KCNIP4: variants seen among roughly 807,000 people sequenced by gnomAD.
KCNIP4 encodes Kv channel-interacting protein 4.
A neutral mutation model predicts 34.0 loss-of-function variants in KCNIP4; 12 were observed. That is an observed-to-expected ratio of 0.35 (90% CI 0.23 to 0.57). KCNIP4 has a LOEUF of 0.57. Ranked by LOEUF, KCNIP4 falls within the 20% of genes least tolerant of loss-of-function variation. The pLI, the probability that KCNIP4 is intolerant of heterozygous loss-of-function variation, is 0.83. For missense variants in KCNIP4, 238 were observed against 311.7 expected, an observed-to-expected ratio of 0.76 and a Z score of 1.78; for synonymous variants, 124 against 102.2, an observed-to-expected ratio of 1.21 and a Z score of -1.29.
intron 1 of KCNIP4, among the ~76,000 whole-genome samples, chr4:20,949,146 C>T (rs4441750): frequency 0.76 from 115,023 of 152,104 alleles, 43,716 homozygotes; most frequent in East Asian, 0.84. Context: ...AGTACGGTAA[C>T]AGCGACTGCT....
At chr4:21,522,209 T>C (rs1229335371) in intron 1 of KCNIP4, among the ~76,000 whole-genome samples, 2 of 152,132 alleles carry the variant, frequency 1.3e-5, no homozygotes. Context: ...CTGAGGAGAT[T>C]CATTTAACAC....
chr4:21,598,106 A>T (rs1742799481), intron 1 of KCNIP4, among the ~76,000 whole-genome samples: 1 of 152,132 alleles, frequency 6.6e-6, no homozygotes, highest in Non-Finnish European at 1.5e-5. Flanking sequence ...ACCGGTTACC[A>T]TTAAATGAAA....
At chr4:21,719,599 T>C (rs1208346477) in intron 1 of KCNIP4, among the ~76,000 whole-genome samples, 1 of 152,136 alleles carries the variant, frequency 6.6e-6, no homozygotes, top group Non-Finnish European at 1.5e-5. Context: ...TGTGGTTCAG[T>C]AGAGTCTAGT....
chr4:21,705,294 T>C (rs141560919), intron 1 of KCNIP4, among the ~76,000 whole-genome samples: 14 of 152,252 alleles, frequency 9.2e-5, no homozygotes, highest in African/African-American at 3.1e-4. Context: ...TGTATCCTTA[T>C]TGTATCAATG....
chr4:21,012,223 A>G (rs1739121459), intron 1 of KCNIP4, among the ~76,000 whole-genome samples: 1 of 152,158 alleles, frequency 6.6e-6, no homozygotes. Context: ...CTCAATAAAC[A>G]TTTGAATATA....
At chr4:21,909,531 C>T (rs892895767) in intron 1 of KCNIP4, among the ~76,000 whole-genome samples, 1 of 152,050 alleles carries the variant, frequency 6.6e-6, no homozygotes, top group East Asian at 1.9e-4. Context: ...TAGGCTTAGA[C>T]ATGTTTCTTA....
At chr4:21,725,238 T>C (rs11721958) in intron 1 of KCNIP4, among the ~76,000 whole-genome samples, 16,313 of 152,100 alleles carry the variant, frequency 0.11, 996 homozygotes, top group Middle Eastern at 0.14. Flanking sequence ...AAACTTCCTA[T>C]ACAAAAAAAT....
intron 1 of KCNIP4, among the ~76,000 whole-genome samples, chr4:21,322,762 T>C (rs1714636653): frequency 6.6e-6 from 1 of 152,022 alleles, no homozygotes; most frequent in Non-Finnish European, 1.5e-5. Flanking sequence ...ACCATCTATG[T>C]GATTCAGATT....
intron 1 of KCNIP4, among the ~76,000 whole-genome samples, chr4:21,279,929 C>T (rs998440972): frequency 5.9e-5 from 9 of 152,132 alleles, no homozygotes; most frequent in East Asian, 1.9e-4. Flanking sequence ...GAGTTCATTT[C>T]GCCATCATTC....
At chr4:21,325,928 TTTTTAG>T (rs1364140147) in intron 1 of KCNIP4, among the ~76,000 whole-genome samples, 1 of 151,940 alleles carries the variant, frequency 6.6e-6, no homozygotes, top group Non-Finnish European at 1.5e-5. Context: ...TTGTTACTGA[TTTTTAG>T]TTTTATTCTA....
intron 1 of KCNIP4, among the ~76,000 whole-genome samples, chr4:21,475,866 A>C (rs781140776): frequency 3.9e-5 from 6 of 152,188 alleles, no homozygotes; most frequent in Non-Finnish European, 7.3e-5. Flanking sequence ...ATGTTATTTA[A>C]TTTTTAATTT....
chr4:21,038,939 C>A (rs1382791130), intron 1 of KCNIP4, among the ~76,000 whole-genome samples: 1 of 152,072 alleles, frequency 6.6e-6, no homozygotes, highest in Non-Finnish European at 1.5e-5. Flanking sequence ...AAAAAAGCAT[C>A]CTGTGAAGGC....
chr4:21,027,423 G>A (rs1172662866), intron 1 of KCNIP4, among the ~76,000 whole-genome samples: 1 of 151,946 alleles, frequency 6.6e-6, no homozygotes, highest in Non-Finnish European at 1.5e-5. Flanking sequence ...CATTAGATTA[G>A]ATACGGGGCT....
chr4:21,654,802 T>C (rs976157997), intron 1 of KCNIP4, among the ~76,000 whole-genome samples: 14 of 152,110 alleles, frequency 9.2e-5, no homozygotes, highest in Non-Finnish European at 1.5e-4. Flanking sequence ...CTGACGCCTG[T>C]AGTCCCAGCT....
intron 1 of KCNIP4, among the ~76,000 whole-genome samples, chr4:21,948,177 C>G (rs1730607134): frequency 6.6e-6 from 1 of 152,096 alleles, no homozygotes; most frequent in Non-Finnish European, 1.5e-5. Flanking sequence ...AAGTGGAAGG[C>G]GAGGATCAAT....
intron 1 of KCNIP4, among the ~76,000 whole-genome samples, chr4:21,065,485 T>C (rs975668992): frequency 2.6e-5 from 4 of 151,982 alleles, no homozygotes; most frequent in Non-Finnish European, 5.9e-5. Flanking sequence ...TCTCAAATAC[T>C]AAAAAAATCA....
intron 2 of KCNIP4, among the ~76,000 whole-genome samples, chr4:20,863,880 G>C (rs1722473095): frequency 6.6e-6 from 1 of 151,962 alleles, no homozygotes; most frequent in African/African-American, 2.4e-5. Flanking sequence ...AAAGAGCAAA[G>C]AACAATCACT....
chr4:21,313,671 A>G (rs1713426504), intron 1 of KCNIP4, among the ~76,000 whole-genome samples: 1 of 152,232 alleles, frequency 6.6e-6, no homozygotes. Flanking sequence ...AACCCATTAA[A>G]TAATACAAAG....
chr4:21,919,370 A>C (rs1728817337), intron 1 of KCNIP4, among the ~76,000 whole-genome samples: 1 of 152,190 alleles, frequency 6.6e-6, no homozygotes. Context: ...AGATAGATAA[A>C]CTGGATGAAA....
Sources: gnomAD v4.1 joint callset for allele counts (sites outside exome capture counted in the v4.1 genomes callset) on GRCh38, gnomAD v4.1.1 for gene constraint, MANE v1.5 for transcripts, NCBI Gene and HGNC (gene_info 2026-07-23, HGNC 2026-07-21) for gene names.